IL16: variants seen among roughly 807,000 people sequenced by gnomAD.
IL16 encodes pro-interleukin-16.
In IL16, 67 loss-of-function variants were observed where a neutral mutation model predicts 110.1. That is an observed-to-expected ratio of 0.61 (90% CI 0.50 to 0.75). The LOEUF is 0.75. Among genes scored for constraint, IL16 ranks in the 30% least tolerant of loss-of-function variants. The pLI is 0.00. For synonymous variants in IL16, 689 were observed against 662.9 expected (o/e 1.04, Z -0.61); for missense variants, 1,545 against 1,655.0 (o/e 0.93, Z 1.15).
intron 2 of IL16, among the ~76,000 whole-genome samples, chr15:81,256,304 G>T (rs961090334): frequency 2.7e-5 from 4 of 148,372 alleles, no homozygotes; most frequent in Non-Finnish European, 4.5e-5. Flanking sequence ...GATAACACAG[G>T]TATACCTATG....
chr15:81,299,040 A>G (rs1900128745), intron 13 of IL16, among the ~76,000 whole-genome samples: 1 of 152,286 alleles, frequency 6.6e-6, no homozygotes, highest in African/African-American at 2.4e-5. Flanking sequence ...TTCAAGAGTC[A>G]GGAGACACAG....
chr15:81,267,704 C>T (rs1476887776), intron 4 of IL16, among the ~76,000 whole-genome samples: 2 of 152,120 alleles, frequency 1.3e-5, no homozygotes, highest in East Asian at 1.9e-4. Flanking sequence ...CAGGCTCAAG[C>T]CCAGGAAGGG....
chr15:81,301,867 T>C (rs1900305712), intron 15 of IL16, among the ~76,000 whole-genome samples: 2 of 152,206 alleles, frequency 1.3e-5, no homozygotes, highest in Non-Finnish European at 2.9e-5. Flanking sequence ...ATGTGTCTGT[T>C]GTGGGATGCT....
chr15:81,297,695 A>T (rs1900056408), intron 13 of IL16, among the ~76,000 whole-genome samples: 1 of 152,168 alleles, frequency 6.6e-6, no homozygotes, highest in African/African-American at 2.4e-5. Flanking sequence ...CTCATCAGCA[A>T]TGTGTGGAAG....
chr15:81,206,192 T>C (rs1352288023), intron 1 of IL16, among the ~76,000 whole-genome samples: 1 of 152,224 alleles, frequency 6.6e-6, no homozygotes, highest in Admixed American at 6.5e-5. Context: ...AGATAAGTTC[T>C]GAGAAATTTC....
At chr15:81,283,453 C>T (rs550302610) in intron 9 of IL16, among the ~76,000 whole-genome samples, 1 of 152,274 alleles carries the variant, frequency 6.6e-6, no homozygotes, top group African/African-American at 2.4e-5. Context: ...GAATCAATGT[C>T]AACTGGGAAC....
intron 9 of IL16, among the ~76,000 whole-genome samples, chr15:81,283,687 A>G (rs1257602821): frequency 6.6e-6 from 1 of 152,218 alleles, no homozygotes; most frequent in East Asian, 1.9e-4. Flanking sequence ...TATGAATTCT[A>G]TATGGAAATG....
At chr15:81,277,708 T>A (rs1202287049) in intron 6 of IL16, among the ~76,000 whole-genome samples, 2 of 152,154 alleles carry the variant, frequency 1.3e-5, no homozygotes, top group African/African-American at 4.8e-5. Context: ...TGAGCCACAG[T>A]GCCCAGCTAG....
At chr15:81,242,513 C>T (rs1180804230) in intron 2 of IL16, among the ~76,000 whole-genome samples, 2 of 152,076 alleles carry the variant, frequency 1.3e-5, no homozygotes, top group African/African-American at 4.8e-5. Flanking sequence ...AAATGGTATG[C>T]ATTTTAATTT....
chr15:81,266,019 G>A (rs919695800), intron 4 of IL16, among the ~76,000 whole-genome samples: 1 of 152,232 alleles, frequency 6.6e-6, no homozygotes, highest in South Asian at 2.1e-4. Flanking sequence ...CTTGTGCCAG[G>A]CACTTGCAAC....
Position 81,224,810 on chromosome 15 carries a change from T to G in IL16, c.-101-489T>G, listed in dbSNP as rs145772182. On this transcript the variant is annotated intron_variant, in intron 1 of 18. Transcript: ENST00000683961. ...TTCTTTGGAGATGCCATGGGAGTTA[T>G]CAAGGGTGAAGTTACCAAGGGGACC... Among the ~76,000 whole-genome samples the G allele has an allele frequency of 1.4e-3, 208 of 152,304 alleles. 5 individuals are homozygous for G. The East Asian group carries it at 0.035, about 26-fold the overall frequency.
intron 1 of IL16, among the ~76,000 whole-genome samples, chr15:81,222,027 GT>G (rs1896633720): frequency 6.6e-6 from 1 of 152,174 alleles, no homozygotes; most frequent in Non-Finnish European, 1.5e-5. Context: ...GCCCCCAAAT[GT>G]TTTTTTGTCC....
chr15:81,297,166 C>A, intron 13 of IL16, 88 bp downstream of exon 13: 1 of 1,316,944 alleles, frequency 7.6e-7, no homozygotes, highest in Non-Finnish European at 1.0e-6. Context: ...GCCTGAGGAT[C>A]AGAGTGCTCT....
intron 1 of IL16, among the ~76,000 whole-genome samples, chr15:81,208,005 G>A (rs1192334960): frequency 2.0e-5 from 3 of 152,146 alleles, no homozygotes; most frequent in South Asian, 2.1e-4. Context: ...CAGTGTATAA[G>A]CATTCCCTTT....
rs148655743 is a variant in IL16 at position 81,191,666 on chromosome 15, C to A, written c.40+8770C>A. Among the ~76,000 whole-genome samples, 64 of 152,176 alleles carry A rather than the reference C, an allele frequency of 4.2e-4. No homozygotes were observed. In the Middle Eastern group the frequency reaches 0.017, roughly 40 times the overall value. ...AAATAAGGAGAGGTAACGGTGAGTGCCTGGTTTAGGTTGAGTGGTCAAGAA... is the reference window on the plus strand; with the variant it reads ...AAATAAGGAGAGGTAACGGTGAGTGACTGGTTTAGGTTGAGTGGTCAAGAA... On this transcript the variant is annotated intron_variant, in intron 1 of 18. Coordinates refer to the IL16 transcript ENST00000302987.
intron 1 of IL16, among the ~76,000 whole-genome samples, chr15:81,219,513 G>T (rs957080551): frequency 6.6e-6 from 1 of 152,040 alleles, no homozygotes; most frequent in South Asian, 2.1e-4. Flanking sequence ...TGTGCCCCAG[G>T]GGCCTGGATC....
At chr15:81,255,265 G>C (rs1306192252) in intron 2 of IL16, among the ~76,000 whole-genome samples, 2 of 152,176 alleles carry the variant, frequency 1.3e-5, no homozygotes, top group Non-Finnish European at 2.9e-5. Flanking sequence ...ACCTCAACTT[G>C]GGTCGAGATA....
chr15:81,210,274 T>C (rs1013298324), intron 1 of IL16, among the ~76,000 whole-genome samples: 1 of 152,230 alleles, frequency 6.6e-6, no homozygotes, highest in African/African-American at 2.4e-5. Context: ...TGTAGCCTTA[T>C]AGTATAGTGT....
At chr15:81,307,996 G>A (rs1409020074) in intron 18 of IL16, among the ~76,000 whole-genome samples, 1 of 152,180 alleles carries the variant, frequency 6.6e-6, no homozygotes, top group Non-Finnish European at 1.5e-5. Context: ...GATTTGTGAA[G>A]ATCACTGTGT....
Sources: gnomAD v4.1 joint callset for allele counts (sites outside exome capture counted in the v4.1 genomes callset) on GRCh38, gnomAD v4.1.1 for gene constraint, MANE v1.5 for transcripts, NCBI Gene and HGNC (gene_info 2026-07-23, HGNC 2026-07-21) for gene names.